Variants in DOCK8 observed in about 807,000 individuals in gnomAD.
DOCK8 encodes dedicator of cytokinesis 8.
Under a neutral mutation model 245.6 loss-of-function variants are expected in DOCK8, and 141 were observed. That is an observed-to-expected ratio of 0.57 (90% CI 0.50 to 0.66). DOCK8 has a LOEUF of 0.66. DOCK8 is among the 30% of genes least tolerant of loss of function. The probability of loss-of-function intolerance (pLI) is 0.00; values close to 1 mark genes in which losing one functional copy is unlikely to be tolerated. For synonymous variants in DOCK8, 1,168 were observed against 970.2 expected (o/e 1.20, Z -3.79); for missense variants, 2,965 against 2,603.4 (o/e 1.14, Z -3.02).
chr9:291,507 A>C (rs2049037543), intron 4 of DOCK8, among the ~76,000 whole-genome samples: 1 of 152,176 alleles, frequency 6.6e-6, no homozygotes, highest in East Asian at 1.9e-4. Flanking sequence ...TTCACAGTAA[A>C]GAGTGATTCT....
intron 1 of DOCK8, among the ~76,000 whole-genome samples, chr9:258,404 A>T (rs2047831508): frequency 6.6e-6 from 1 of 152,176 alleles, no homozygotes; most frequent in African/African-American, 2.4e-5. Context: ...TAGATAAATC[A>T]CAAATCAGAG....
intron 9 of DOCK8, 25 bp downstream of exon 9, chr9:328,196 C>A: frequency 6.2e-7 from 1 of 1,604,612 alleles, no homozygotes; most frequent in South Asian, 1.1e-5. Flanking sequence ...TCTGATTTGC[C>A]CAATCTGATG....
intron 1 of DOCK8, among the ~76,000 whole-genome samples, chr9:264,415 A>C (rs1322719480): frequency 1.3e-5 from 2 of 152,226 alleles, no homozygotes. Context: ...AATAAGGGGC[A>C]AACTTTTCTT....
At chr9:312,294 G>A (rs1228419016) in intron 6 of DOCK8, 128 bp downstream of exon 6, 11 of 1,167,680 alleles carry the variant, frequency 9.4e-6, no homozygotes, top group Admixed American at 7.9e-5. Context: ...GATTTCTGGG[G>A]CCTCGTTTTT....
chr9:296,285 G>A (rs965104559), intron 4 of DOCK8, among the ~76,000 whole-genome samples: 1 of 152,164 alleles, frequency 6.6e-6, no homozygotes, highest in African/African-American at 2.4e-5. Flanking sequence ...ACGATTTTAA[G>A]CTTTATTTCT....
chr9:304,760 A>G (rs1282663139), intron 5 of DOCK8, 56 bp downstream of exon 5: 4 of 1,612,754 alleles, frequency 2.5e-6, no homozygotes, highest in Admixed American at 1.7e-5. Flanking sequence ...TGCCCAGGGC[A>G]TGCTGTCAGT....
intron 26 of DOCK8, among the ~76,000 whole-genome samples, chr9:403,300 C>G (rs978932526): frequency 4.6e-5 from 7 of 152,146 alleles, no homozygotes; most frequent in Non-Finnish European, 8.8e-5. Context: ...GCCGGCTTGA[C>G]CCGACACCTG....
chr9:224,029 G>A (rs952176798), intron 1 of DOCK8, among the ~76,000 whole-genome samples: 11 of 152,070 alleles, frequency 7.2e-5, no homozygotes, highest in South Asian at 2.1e-4. Context: ...GTGAAATAAC[G>A]GAGCTGATTT....
At chr9:261,719 G>C (rs1349905952) in intron 1 of DOCK8, among the ~76,000 whole-genome samples, 13 of 152,090 alleles carry the variant, frequency 8.5e-5, no homozygotes, top group Admixed American at 7.9e-4. Context: ...AGTTGTGGAT[G>C]TAATATTTTT....
chr9:415,650 C>G (rs1368628557), intron 29 of DOCK8, among the ~76,000 whole-genome samples: 2 of 141,320 alleles, frequency 1.4e-5, no homozygotes, highest in African/African-American at 2.7e-5. Flanking sequence ...ATTGGCCTAC[C>G]CTCTCCACAG....
chr9:291,934 A>G (rs1234443615), intron 4 of DOCK8, among the ~76,000 whole-genome samples: 1 of 151,450 alleles, frequency 6.6e-6, no homozygotes, highest in Non-Finnish European at 1.5e-5. Context: ...ACTGGATATG[A>G]TGACATGCAC....
At chr9:459,706 C>T (rs558515449) in intron 46 of DOCK8, 1 of 152,332 alleles carries the variant, frequency 6.6e-6, no homozygotes, top group East Asian at 1.9e-4. Context: ...GTGACTAGGA[C>T]TTGAATTACC....
intron 46 of DOCK8, among the ~76,000 whole-genome samples, chr9:463,276 TAAA>T (rs5895846): frequency 1.3e-5 from 2 of 148,584 alleles, no homozygotes; most frequent in Non-Finnish European, 1.5e-5. Flanking sequence ...TAAAATAAGG[TAAA>T]AAAAAAAAAC....
At chr9:320,035 C>T (rs2050518416) in intron 7 of DOCK8, among the ~76,000 whole-genome samples, 1 of 152,192 alleles carries the variant, frequency 6.6e-6, no homozygotes, top group Non-Finnish European at 1.5e-5. Context: ...AAGAAACCTG[C>T]ATGCTGGCTA....
chr9:357,587 A>ATTTTTT (rs112232586), intron 14 of DOCK8, among the ~76,000 whole-genome samples: 1 of 147,380 alleles, frequency 6.8e-6, no homozygotes, highest in Admixed American at 6.7e-5. Context: ...ATTTGATACC[A>ATTTTTT]TTTTTTTTTT....
At chr9:282,310 A>G (rs761824987) in intron 2 of DOCK8, among the ~76,000 whole-genome samples, 1 of 151,516 alleles carries the variant, frequency 6.6e-6, no homozygotes, top group Non-Finnish European at 1.5e-5. Flanking sequence ...TTCTCCCTGG[A>G]TAGTCTCTCC....
chr9:215,397 A>T (rs761980452), intron 1 of DOCK8: 235 of 1,560,008 alleles, frequency 1.5e-4, no homozygotes, highest in Non-Finnish European at 1.9e-4. Flanking sequence ...AGTGTCTCAT[A>T]AACGGCTCCT....
intron 2 of DOCK8, chr9:284,344 C>T (rs780886917): frequency 2.0e-5 from 3 of 152,242 alleles, no homozygotes; most frequent in South Asian, 2.1e-4. Flanking sequence ...GCTCCTTTAG[C>T]CCCTCATGGT....
chr9:272,677 C>T (rs1281541686), intron 2 of DOCK8, among the ~76,000 whole-genome samples: 1 of 152,160 alleles, frequency 6.6e-6, no homozygotes, highest in Non-Finnish European at 1.5e-5. Context: ...AGCCACTGCA[C>T]CTGGCCCTAA....
Sources: gnomAD v4.1 joint callset for allele counts (sites outside exome capture counted in the v4.1 genomes callset) on GRCh38, gnomAD v4.1.1 for gene constraint, MANE v1.5 for transcripts, NCBI Gene and HGNC (gene_info 2026-07-23, HGNC 2026-07-21) for gene names.